Variants in CD28 observed in about 807,000 individuals in gnomAD.
CD28 encodes CD28 molecule.
CD28 carries 8 observed loss-of-function variants against 21.4 expected under a neutral mutation model. The ratio of observed to expected loss-of-function variants is 0.37; its 90% confidence interval spans 0.22 to 0.68. The LOEUF (loss-of-function observed/expected upper bound fraction) is 0.68. CD28 is among the 30% of genes least tolerant of loss of function. The probability of loss-of-function intolerance (pLI) is 0.55; values close to 1 mark genes in which losing one functional copy is unlikely to be tolerated. For synonymous variants in CD28, 106 were observed against 104.0 expected (o/e 1.02, Z -0.12); for missense variants, 239 against 272.2 (o/e 0.88, Z 0.86).
chr2:203,730,760 G>A (rs1329226250), intron 3 of CD28, among the ~76,000 whole-genome samples: 1 of 152,178 alleles, frequency 6.6e-6, no homozygotes. Flanking sequence ...CTCCAGAGAG[G>A]TCAAATTAAG....
chr2:203,735,857 A>G lies in CD28; in HGVS notation c.*945A>G, dbSNP rs1454809323. On this transcript the variant is annotated 3_prime_UTR_variant, in exon 4 of 4. Coordinates refer to ENST00000324106, the MANE Select transcript of CD28 (RefSeq NM_006139.4). ...ACTCCGTCTGTACTAAAAATACAAA[A>G]TTTAGCTTGGCCTGGTGGCAGGCAC... The G allele has an allele frequency of 6.6e-6, 1 of 152,098 alleles. No homozygotes were observed. The highest frequency in any genetic ancestry group is 2.4e-5 in the African/African-American group (1 of 41,398). The allele number at this position is 152,098 out of a possible 1,614,324, so 9.4% of individuals were successfully genotyped here.
At chr2:203,730,680 G>C (rs892824877) in intron 3 of CD28, among the ~76,000 whole-genome samples, 3 of 152,086 alleles carry the variant, frequency 2.0e-5, no homozygotes, top group Non-Finnish European at 4.4e-5. Context: ...TATTTCTCTT[G>C]ATATTCTCCA....
In CD28 at chr2:203,738,496, A is replaced by AAGGCC. The variant is rs1264405747; in HGVS notation, c.*3586_*3590dup. 1 of 152,192 alleles carries AAGGCC rather than the reference A, an allele frequency of 6.6e-6. No individual in the cohort carries two copies. Among genetic ancestry groups the AAGGCC allele is most frequent in the African/African-American group, 2.4e-5 (1 of 41,440 alleles). The allele number at this position is 152,192 out of a possible 1,614,324, so 9.4% of individuals were successfully genotyped here. A position where few individuals can be genotyped will look rare whatever the true frequency, so the allele number is the denominator to read the frequency against. ...GGGTGAGGGAGTCTGTGTTATCTGC[A>AAGGCC]AGGCCATTTGAGGCTCAGAAAGTCT... On this transcript the variant is annotated 3_prime_UTR_variant, in exon 4 of 4. Coordinates refer to ENST00000324106, the MANE Select transcript of CD28 (RefSeq NM_006139.4).
chr2:203,707,791 C>T (rs903238009), intron 1 of CD28, among the ~76,000 whole-genome samples: 10 of 152,214 alleles, frequency 6.6e-5, no homozygotes, highest in East Asian at 1.9e-4. Context: ...ACTCCAGTGC[C>T]GGTGTTGTTG....
In CD28 at chr2:203,726,715, T is replaced by A; in HGVS notation, c.135T>A (p.Asn45Lys). 4 of 1,614,042 alleles carry A rather than the reference T, an allele frequency of 2.5e-6. No individual in the cohort carries two copies. The highest frequency in any genetic ancestry group is 3.4e-6 in the Non-Finnish European group (4 of 1,179,992). ...AVNLSCKYSY[N>K]LFSREFRASL... is the part of the protein sequence containing the mutation. ...ACCTTAGCTGCAAGTATTCCTACAA[T>A]CTCTTCTCAAGGGAGTTCCGGGCAT... Residue 45 changes from asparagine (N) to lysine (K), a missense_variant, in exon 2 of 4, where the codon AAT becomes AAA. Asn to Lys is a moderately conservative substitution (Grantham distance 94). This residue lies in a region of CD28 where 104 missense variants were observed against 108.5 expected (regional missense o/e 0.96). Transcript: ENST00000324106.
In CD28 at chr2:203,706,705, G is replaced by A. The variant is rs1290771258; in HGVS notation, c.9G>A (p.Arg3=). The change falls in exon 1 of 4, where the codon AGG becomes AGA. Residue 3 remains arginine, a synonymous_variant. Transcript: ENST00000324106. ML[R]LLLALNLFPS... Reference sequence around the variant, plus strand: ...CCATCGTCAGGACAAAGATGCTCAGGCTGCTCTTGGCTCTCAACTTATTCC... The same window carrying A: ...CCATCGTCAGGACAAAGATGCTCAGACTGCTCTTGGCTCTCAACTTATTCC... The A allele has an allele frequency of 6.2e-7, 1 of 1,613,994 alleles. No individual in the cohort carries two copies. The highest frequency in any genetic ancestry group is 1.7e-5 in the Admixed American group (1 of 59,998).
rs1422953731 is a variant in CD28 at position 203,726,722 on chromosome 2, T to C, written c.142T>C (p.Ser48Pro). ...LSCKYSYNLF[S>P]REFRASLHKG... The stretch of plus-strand genomic sequence containing the variant: ...CTGCAAGTATTCCTACAATCTCTTC[T>C]CAAGGGAGTTCCGGGCATCCCTTCA... The change falls in exon 2 of 4, where the codon TCA becomes CCA. Residue 48 changes from serine to proline, a missense_variant. Coordinates refer to ENST00000324106, the MANE Select transcript of CD28 (RefSeq NM_006139.4). 1 of 1,614,144 alleles carries C rather than the reference T, an allele frequency of 6.2e-7. No individual in the cohort carries two copies. The highest frequency in any genetic ancestry group is 2.2e-5 in the East Asian group (1 of 44,880).
intron 3 of CD28, among the ~76,000 whole-genome samples, chr2:203,730,909 G>A (rs1276112784): frequency 6.6e-6 from 1 of 152,240 alleles, no homozygotes; most frequent in Admixed American, 6.5e-5. Flanking sequence ...CTTGGTGACT[G>A]CGGGTACAGA....
chr2:203,735,672 A>C lies in CD28; in HGVS notation c.*760A>C, dbSNP rs553872405. ...CGAAAGAATAAAATAGTTCTCCTACATGAAGAAAGAATATGTCAGGAAATA... is the reference window on the plus strand; with the variant it reads ...CGAAAGAATAAAATAGTTCTCCTACCTGAAGAAAGAATATGTCAGGAAATA... On this transcript the variant is annotated 3_prime_UTR_variant, in exon 4 of 4. Coordinates refer to ENST00000324106, the MANE Select transcript of CD28 (RefSeq NM_006139.4). The C allele has an allele frequency of 6.6e-6, 1 of 152,534 alleles. No individual in the cohort carries two copies. The highest frequency in any genetic ancestry group is 1.5e-5 in the Non-Finnish European group (1 of 68,036). The allele number at this position is 152,534 out of a possible 1,614,324, so 9.4% of individuals were successfully genotyped here. A position where few individuals can be genotyped will look rare whatever the true frequency, so the allele number is the denominator to read the frequency against.
intron 2 of CD28, among the ~76,000 whole-genome samples, chr2:203,728,058 C>T (rs1180903286): frequency 5.9e-5 from 9 of 151,454 alleles, no homozygotes; most frequent in African/African-American, 2.2e-4. Flanking sequence ...GATCTGCCCA[C>T]CTGGGCCTCC....
chr2:203,706,574 G>A (rs201523337), upstream of CD28: 205 of 1,586,658 alleles, frequency 1.3e-4, no homozygotes, highest in African/African-American at 2.3e-3. Context: ...GGATGGTGGC[G>A]GTGGTGGTGG....
At chr2:203,726,489 T>G (rs1693751762) in intron 1 of CD28, 144 bp from the exon 2 acceptor site, 1 of 621,980 alleles carries the variant, frequency 1.6e-6, no homozygotes, top group Admixed American at 2.7e-5. Context: ...AGTATAATTA[T>G]CCCCTGAAGA....
chr2:203,707,746 G>A (rs1693198855), intron 1 of CD28, among the ~76,000 whole-genome samples: 1 of 152,180 alleles, frequency 6.6e-6, no homozygotes, highest in Admixed American at 6.5e-5. Flanking sequence ...ACAGGTGGCA[G>A]CTATAGGAGG....
intron 1 of CD28, among the ~76,000 whole-genome samples, chr2:203,707,460 C>A (rs757554567): frequency 6.6e-6 from 1 of 152,154 alleles, no homozygotes; most frequent in Non-Finnish European, 1.5e-5. Context: ...ACTCTATCTA[C>A]CTGAATTGAA....
In CD28 at chr2:203,735,970, A is replaced by G. The variant is rs1490878859; in HGVS notation, c.*1058A>G. 1 of 152,312 alleles carries G rather than the reference A, an allele frequency of 6.6e-6. No homozygotes were observed. Among genetic ancestry groups the G allele is most frequent in the Non-Finnish European group, 1.5e-5 (1 of 68,110 alleles). The allele number at this position is 152,312 out of a possible 1,614,324, so 9.4% of individuals were successfully genotyped here. A position where few individuals can be genotyped will look rare whatever the true frequency, so the allele number is the denominator to read the frequency against. On this transcript the variant is annotated 3_prime_UTR_variant, in exon 4 of 4. Transcript: ENST00000324106. ...TTGCAGTGAGCCGAGATAGTGCCAC[A>G]GCTCTCCAGCCTGGGCGACAGAGTG...
intron 3 of CD28, among the ~76,000 whole-genome samples, chr2:203,731,509 C>T (rs1298085268): frequency 6.6e-6 from 1 of 152,224 alleles, no homozygotes; most frequent in Admixed American, 6.5e-5. Flanking sequence ...CTGTGATATG[C>T]TGACCTAGGT....
At chr2:203,725,623 G>T (rs1393700484) in intron 1 of CD28, among the ~76,000 whole-genome samples, 1 of 152,160 alleles carries the variant, frequency 6.6e-6, no homozygotes, top group Non-Finnish European at 1.5e-5. Flanking sequence ...TGAACTAAAT[G>T]CTCTCCAGAT....
chr2:203,734,828 C>T lies in CD28; in HGVS notation c.579C>T (p.Asn193=), dbSNP rs2106126239. The change falls in exon 4 of 4, where the codon AAC becomes AAT. Residue 193 remains asparagine, a synonymous_variant. Transcript: ENST00000324106. ...RSRLLHSDYM[N]MTPRRPGPTR... ...GGCTCCTGCACAGTGACTACATGAA[C>T]ATGACTCCCCGCCGCCCCGGGCCCA... The T allele has an allele frequency of 1.2e-6, 2 of 1,614,186 alleles. No individual in the cohort carries two copies. The highest frequency in any genetic ancestry group is 2.2e-5 in the East Asian group (1 of 44,870).
chr2:203,721,639 G>C (rs1177153589), intron 1 of CD28, among the ~76,000 whole-genome samples: 1 of 151,990 alleles, frequency 6.6e-6, no homozygotes, highest in Non-Finnish European at 1.5e-5. Context: ...ATCCATGTAT[G>C]CATACTCCTT....
Sources: gnomAD v4.1 joint callset for allele counts (sites outside exome capture counted in the v4.1 genomes callset) on GRCh38, gnomAD v4.1.1 for gene constraint, gnomAD v4.1.1 regional missense constraint, MANE v1.5 for transcripts, NCBI Gene and HGNC (gene_info 2026-07-23, HGNC 2026-07-21) for gene names.